Variants in CCDC150 observed in about 807,000 individuals in gnomAD.
CCDC150 encodes coiled-coil domain-containing protein 150.
CCDC150 carries 151 observed loss-of-function variants against 156.5 expected under a neutral mutation model. The observed-to-expected ratio is 0.97, with a 90% CI of 0.85 to 1.10. The LOEUF is 1.10. CCDC150 is among the 50% of genes least tolerant of loss of function. CCDC150 has a pLI of 0.00. For missense variants in CCDC150, 1,312 were observed against 1,268.1 expected (o/e 1.03, Z -0.53); for synonymous variants, 452 against 429.4 (o/e 1.05, Z -0.65).
chr2:196,667,793 G>A (rs1266460646), intron 7 of CCDC150: 1 of 152,136 alleles, frequency 6.6e-6, no homozygotes, highest in Non-Finnish European at 1.5e-5. Flanking sequence ...TCAATGTTTT[G>A]ACTTACTGCT....
rs746879767 is a variant in CCDC150 at position 196,646,383 on chromosome 2, A to T, written c.55A>T (p.Thr19Ser). The T allele has an allele frequency of 6.2e-7, 1 of 1,613,840 alleles. No homozygotes were observed. Among genetic ancestry groups the T allele is most frequent in the Non-Finnish European group, 8.5e-7 (1 of 1,179,752 alleles). ...AGTGTCCAGACCGGTCCTTTCTCCA[A>T]CCCACATCAACGCTACAGCTTCTGA... ...TTVSRPVLSP[T>S]HINATASETF... Residue 19 changes from threonine (T) to serine (S), a missense_variant, in exon 2 of 28, where the codon ACC becomes TCC. Transcript: ENST00000389175.
intron 15 of CCDC150, among the ~76,000 whole-genome samples, chr2:196,707,855 A>G (rs1489573263): frequency 6.6e-6 from 1 of 152,116 alleles, no homozygotes; most frequent in Non-Finnish European, 1.5e-5. Flanking sequence ...ATTTGATTGT[A>G]CTGTCATCTG....
intron 23 of CCDC150, 173 bp from the exon 24 acceptor site, chr2:196,729,620 A>G: frequency 1.5e-6 from 1 of 660,516 alleles, no homozygotes; most frequent in South Asian, 2.0e-5. Context: ...TTCCGTGTTG[A>G]TTGTACTGGA....
chr2:196,712,654 T>A, intron 16 of CCDC150, 23 bp from the exon 17 acceptor site: 1 of 1,589,232 alleles, frequency 6.3e-7, no homozygotes, highest in South Asian at 1.1e-5. Flanking sequence ...GAGGAACAAG[T>A]ATCTTTGTTT....
rs1309576051 is a variant in CCDC150, at chr2:196,718,510, C to T, written c.1874C>T (p.Ser625Phe). 1 of 1,607,644 alleles carries T rather than the reference C, an allele frequency of 6.2e-7. No individual in the cohort carries two copies. Among genetic ancestry groups the T allele is most frequent in the Non-Finnish European group, 8.5e-7 (1 of 1,176,318 alleles). ...TTCTTTTTTCCTACTTAGGTGAAAT[C>T]TATTCTTGAAAGAAGTAAAGAGGAG... ...QADAHLKEVK[S>F]ILERSKEELS... The change falls in exon 18 of 28, where the codon TCT becomes TTT. Residue 625 changes from serine (S) to phenylalanine (F), a missense_variant. Ser to Phe is a radical substitution (Grantham distance 155). Transcript: ENST00000389175.
intron 1 of CCDC150, among the ~76,000 whole-genome samples, chr2:196,643,705 C>T (rs1464076407): frequency 2.0e-5 from 3 of 152,234 alleles, no homozygotes; most frequent in African/African-American, 7.2e-5. Flanking sequence ...TATAAATGAA[C>T]ATAGACAAGA....
chr2:196,696,180 T>A lies in CCDC150; in HGVS notation c.1623+1021T>A, dbSNP rs150870041. Among the ~76,000 whole-genome samples, 149 of 152,190 alleles carry A rather than the reference T, an allele frequency of 9.8e-4. No individual in the cohort carries two copies. The East Asian group carries it at 0.019, about 19-fold the overall frequency. ...GCCTCAGTTTCTTAATCTGTCAAAA[T>A]GAGGATAATAATGCTATAACTGTGG... On this transcript the variant is annotated intron_variant, in intron 14 of 27. Coordinates refer to ENST00000389175, the MANE Select transcript of CCDC150 (RefSeq NM_001080539.2).
intron 21 of CCDC150, 36 bp from the exon 22 acceptor site, chr2:196,725,937 C>A (rs1330032950): frequency 1.9e-6 from 3 of 1,553,668 alleles, no homozygotes; most frequent in Admixed American, 4.0e-5. Context: ...AAAATGATTT[C>A]TAAAGGTGAC....
At chr2:196,729,056 A>T in intron 22 of CCDC150, 137 bp from the exon 23 acceptor site, 2 of 755,796 alleles carry the variant, frequency 2.6e-6, no homozygotes, top group Non-Finnish European at 4.2e-6. Context: ...AAATCTGCTT[A>T]ATCAGACATT....
chr2:196,644,083 A>G (rs535522327), intron 1 of CCDC150, among the ~76,000 whole-genome samples: 14 of 152,272 alleles, frequency 9.2e-5, no homozygotes, highest in African/African-American at 2.9e-4. Flanking sequence ...AGGAAAAGAC[A>G]GGTGCCATCA....
At chr2:196,651,931 T>G (rs1365055889) in intron 2 of CCDC150, among the ~76,000 whole-genome samples, 3 of 152,082 alleles carry the variant, frequency 2.0e-5, no homozygotes, top group Non-Finnish European at 4.4e-5. Flanking sequence ...GTGAGTCACA[T>G]GGTGAGAGAG....
intron 15 of CCDC150, among the ~76,000 whole-genome samples, chr2:196,708,550 T>C (rs1696854385): frequency 6.6e-6 from 1 of 152,230 alleles, no homozygotes; most frequent in Non-Finnish European, 1.5e-5. Context: ...CCTGTCATCA[T>C]GATGTTAGCT....
At chr2:196,655,056 G>A (rs962951615) in intron 2 of CCDC150, among the ~76,000 whole-genome samples, 10 of 152,216 alleles carry the variant, frequency 6.6e-5, no homozygotes, top group African/African-American at 2.4e-4. Context: ...GGTGTTAGAT[G>A]CATGTTCCAG....
intron 2 of CCDC150, among the ~76,000 whole-genome samples, chr2:196,651,691 G>A (rs1245477091): frequency 6.6e-6 from 1 of 152,102 alleles, no homozygotes; most frequent in Non-Finnish European, 1.5e-5. Flanking sequence ...TTCCCTTGAT[G>A]CTTTTAAAAC....
chr2:196,668,295 T>TAAAAAAAAAAAAAA (rs55945331), intron 7 of CCDC150, among the ~76,000 whole-genome samples: 3 of 92,256 alleles, frequency 3.3e-5, no homozygotes, highest in South Asian at 4.1e-4. Flanking sequence ...AAACTCCATC[T>TAAAAAAAAAAAAAA]AAAAAAAAAA....
chr2:196,702,337 G>C (rs1176201646), intron 15 of CCDC150, among the ~76,000 whole-genome samples: 1 of 128,382 alleles, frequency 7.8e-6, no homozygotes, highest in Non-Finnish European at 1.6e-5. Flanking sequence ...TTCCTTGACT[G>C]AAGTGCTGTG....
chr2:196,726,198 C>T, intron 22 of CCDC150, 99 bp downstream of exon 22: 1 of 1,361,982 alleles, frequency 7.3e-7, no homozygotes, highest in East Asian at 2.4e-5. Context: ...TGACTCCTCT[C>T]ATCCCCCTTT....
intron 1 of CCDC150, among the ~76,000 whole-genome samples, chr2:196,640,040 C>A (rs16855610): frequency 0.094 from 14,348 of 152,200 alleles, 889 homozygotes; most frequent in African/African-American, 0.18. Flanking sequence ...AGCCCAATAC[C>A]ACCTTTATTT....
At chr2:196,643,594 G>A (rs917731204) in intron 1 of CCDC150, among the ~76,000 whole-genome samples, 2 of 152,328 alleles carry the variant, frequency 1.3e-5, no homozygotes, top group Admixed American at 6.5e-5. Flanking sequence ...TTGGGAATCT[G>A]CATCCTATTC....
Sources: allele counts gnomAD v4.1 joint callset (sites outside exome capture counted in the v4.1 genomes callset), GRCh38; gene constraint gnomAD v4.1.1; transcripts MANE v1.5; gene names NCBI Gene and HGNC (gene_info 2026-07-23, HGNC 2026-07-21).